Variants in DMD observed in about 807,000 individuals in gnomAD.
DMD encodes the protein dystrophin.
Under a neutral mutation model 330.1 loss-of-function variants are expected in DMD, and 63 were observed. The ratio of observed to expected loss-of-function variants is 0.19; its 90% CI spans 0.16 to 0.24. The LOEUF (loss-of-function observed/expected upper bound fraction) is 0.24. Among genes scored for constraint, DMD ranks in the 10% least tolerant of loss-of-function variants. The pLI, the probability that DMD is intolerant of heterozygous loss-of-function variation, is 1.00. For missense variants in DMD, 3,344 were observed against 2,684.1 expected (o/e 1.25, Z -5.43); for synonymous variants, 1,223 against 959.8 (o/e 1.27, Z -5.07).
intron 2 of DMD, among the ~76,000 whole-genome samples, chrX:32,873,052 G>C (rs142022422): frequency 0.011 from 1,273 of 111,304 alleles, 24 homozygotes; most frequent in African/African-American, 0.039. Context: ...TTTATCAATT[G>C]TTAGTCCTGA....
At chrX:31,523,414 C>A (rs1401217665) in intron 55 of DMD, among the ~76,000 whole-genome samples, 1 of 111,022 alleles carries the variant, frequency 9.0e-6, no homozygotes, top group African/African-American at 3.3e-5. Context: ...AAAGGAGAAC[C>A]CCCAAGAAGA....
chrX:31,246,341 G>A (rs2048828865), intron 63 of DMD, among the ~76,000 whole-genome samples: 1 of 112,557 alleles, frequency 8.9e-6, no homozygotes, highest in African/African-American at 3.2e-5. Flanking sequence ...ACATTAAGGT[G>A]CAAGATGAAG....
chrX:31,659,369 G>A (rs778678299), intron 53 of DMD, among the ~76,000 whole-genome samples: 14 of 110,897 alleles, frequency 1.3e-4, no homozygotes, highest in African/African-American at 4.3e-4. Flanking sequence ...GGCCGGGTGC[G>A]GTGGCTCATG....
At chrX:32,462,574 C>T (rs982897515) in intron 25 of DMD, among the ~76,000 whole-genome samples, 52 of 110,186 alleles carry the variant, frequency 4.7e-4, no homozygotes, top group African/African-American at 1.7e-3. Flanking sequence ...AAATGAGAAA[C>T]TCAAATATGA....
chrX:32,399,873 T>A (rs906238489), intron 30 of DMD, among the ~76,000 whole-genome samples: 2 of 111,689 alleles, frequency 1.8e-5, no homozygotes, highest in African/African-American at 6.5e-5. Context: ...AAAATATGGT[T>A]TTCTAGATAT....
chrX:32,493,988 A>G (rs911572106), intron 19 of DMD, among the ~76,000 whole-genome samples: 2 of 112,059 alleles, frequency 1.8e-5, no homozygotes, highest in African/African-American at 6.5e-5. Flanking sequence ...AGACGGGAAC[A>G]CAGAGAGAAA....
intron 27 of DMD, among the ~76,000 whole-genome samples, chrX:32,443,510 C>T (rs1008823152): frequency 9.0e-6 from 1 of 110,795 alleles, no homozygotes; most frequent in Non-Finnish European, 1.9e-5. Context: ...TTCTTAAATA[C>T]CCGAGGGTAC....
intron 1 of DMD, among the ~76,000 whole-genome samples, chrX:33,169,945 C>T (rs888261565): frequency 8.2e-4 from 91 of 110,790 alleles, no homozygotes; most frequent in African/African-American, 2.9e-3. Context: ...TTCCATGTAA[C>T]CAATGCCTAC....
chrX:32,730,979 C>T lies in DMD; in HGVS notation c.650-31686G>A, dbSNP rs763740170. Reference sequence around the variant, plus strand: ...GAGCGACGCAGAAGACGGGTGATTTCTGCATTTCCATCTGAGGTACCAGGT... The same window carrying T: ...GAGCGACGCAGAAGACGGGTGATTTTTGCATTTCCATCTGAGGTACCAGGT... On this transcript the variant is annotated intron_variant, in intron 7 of 78. Coordinates refer to ENST00000357033, the MANE Select transcript of DMD (RefSeq NM_004006.3). 3.6e-5 allele frequency among the ~76,000 whole-genome samples: 4 copies of T among 111,814 alleles called. No homozygotes were observed. In the East Asian group the frequency reaches 8.5e-4, roughly 24 times the overall value.
intron 55 of DMD, among the ~76,000 whole-genome samples, chrX:31,552,257 C>T (rs773991947): frequency 4.5e-5 from 5 of 112,075 alleles, no homozygotes; most frequent in African/African-American, 9.7e-5. Context: ...ACTGCAGCTT[C>T]GACTTCCCAA....
chrX:31,175,972 T>C (rs1191887618), intron 71 of DMD, among the ~76,000 whole-genome samples: 1 of 111,080 alleles, frequency 9.0e-6, no homozygotes, highest in Non-Finnish European at 1.9e-5. Context: ...ACGGTCTGTA[T>C]CTCTGGAAAC....
intron 9 of DMD, among the ~76,000 whole-genome samples, chrX:32,673,859 T>C (rs773052826): frequency 1.2e-4 from 13 of 111,918 alleles, no homozygotes; most frequent in Non-Finnish European, 1.9e-4. Flanking sequence ...AACCAAATCA[T>C]AGAATTTGGG....
chrX:31,600,514 T>G (rs984157980), intron 55 of DMD, among the ~76,000 whole-genome samples: 15 of 98,902 alleles, frequency 1.5e-4, no homozygotes, highest in South Asian at 5.0e-4. Context: ...ACTATGGTTT[T>G]TTTTTTTTTT....
chrX:32,159,796 A>G (rs1196051671), intron 44 of DMD, among the ~76,000 whole-genome samples: 22 of 111,919 alleles, frequency 2.0e-4, no homozygotes, highest in Non-Finnish European at 1.9e-5. Flanking sequence ...ATGTCAAGTT[A>G]AGTGGCTTAT....
At chrX:31,636,233 T>G (rs1337084448) in intron 54 of DMD, among the ~76,000 whole-genome samples, 1 of 111,334 alleles carries the variant, frequency 9.0e-6, no homozygotes, top group East Asian at 2.8e-4. Flanking sequence ...GAAAAATATC[T>G]AATGTGTACT....
At chrX:31,173,425 G>C in intron 72 of DMD, 114 bp downstream of exon 72, 1 of 869,912 alleles carries the variant, frequency 1.1e-6, no homozygotes, top group Non-Finnish European at 1.7e-6. Flanking sequence ...TGATTAGTAG[G>C]AATCAGACAA....
intron 48 of DMD, among the ~76,000 whole-genome samples, chrX:31,847,180 T>C (rs2093442246): frequency 8.9e-6 from 1 of 111,843 alleles, no homozygotes; most frequent in Non-Finnish European, 1.9e-5. Context: ...CCTTCTATCA[T>C]CACTATTGTC....
chrX:31,865,264 C>T (rs2093778503), intron 48 of DMD, among the ~76,000 whole-genome samples: 1 of 111,813 alleles, frequency 8.9e-6, no homozygotes, highest in Non-Finnish European at 1.9e-5. Flanking sequence ...AACCTAAACT[C>T]AGGAGAAAAA....
intron 44 of DMD, among the ~76,000 whole-genome samples, chrX:32,162,242 G>A (rs1458573335): frequency 9.0e-6 from 1 of 111,040 alleles, no homozygotes; most frequent in Non-Finnish European, 1.9e-5. Context: ...AGGAGGGAGC[G>A]CTACAGCTCA....
Sources: allele counts gnomAD v4.1 joint callset (sites outside exome capture counted in the v4.1 genomes callset), GRCh38; gene constraint gnomAD v4.1.1; transcripts MANE v1.5; gene names NCBI Gene and HGNC (gene_info 2026-07-23, HGNC 2026-07-21).